HECTD4: variants seen among roughly 807,000 people sequenced by gnomAD.
HECTD4 encodes HECT domain E3 ubiquitin protein ligase 4, also known as probable E3 ubiquitin-protein ligase HECTD4.
Under a neutral mutation model 471.5 loss-of-function variants are expected in HECTD4, and 114 were observed. That is an observed-to-expected ratio of 0.24 (90% CI 0.21 to 0.28). HECTD4 has a LOEUF of 0.28. Among genes scored for constraint, HECTD4 ranks in the 10% least tolerant of loss-of-function variants. The pLI is 1.00. For synonymous variants in HECTD4, 2,012 were observed against 2,256.0 expected (o/e 0.89, Z 3.07); for missense variants, 3,866 against 5,651.5 (o/e 0.68, Z 10.13).
chr12:112,220,194 T>A (rs1156933492), intron 44 of HECTD4, among the ~76,000 whole-genome samples: 1 of 152,108 alleles, frequency 6.6e-6, no homozygotes, highest in Non-Finnish European at 1.5e-5. Flanking sequence ...ATCTAATAAA[T>A]GAAGACTATT....
At chr12:112,215,807 A>G (rs978148004) in intron 48 of HECTD4, among the ~76,000 whole-genome samples, 1 of 151,970 alleles carries the variant, frequency 6.6e-6, no homozygotes, top group Non-Finnish European at 1.5e-5. Context: ...TAATTTTTGT[A>G]TTTTTTGTAG....
At chr12:112,170,520 T>C (rs2031173393) in intron 68 of HECTD4, 68 bp from the exon 69 acceptor site, 1 of 1,564,552 alleles carries the variant, frequency 6.4e-7, no homozygotes, top group Admixed American at 1.8e-5. Context: ...CCCCCAAGAC[T>C]CTCTTCCGGT....
In HECTD4 at chr12:112,313,113, A is replaced by T; in HGVS notation, c.820T>A (p.Ser274Thr). 6.5e-7 allele frequency: 1 copy of T among 1,535,642 alleles called. No individual in the cohort carries two copies. ...LLLEGGPGSP[S>T]CLLGGKHIVS... ...ATGTGTTTGCCCCCAAGCAAACAGG[A>T]GGGAGATCCAGGCCCCCCTTCCAAA... The change falls in exon 4 of 76, where the codon TCC (serine) becomes ACC (threonine). Residue 274 changes from serine to threonine, a missense_variant. Ser to Thr is a moderately conservative substitution (Grantham distance 58). Around this residue, in one of 16 missense-constraint regions of HECTD4, gnomAD observed 440 missense variants for 636.0 expected, o/e 0.69. Transcript: ENST00000682272.
At chr12:112,244,397 C>A (rs1270174336) in intron 29 of HECTD4, among the ~76,000 whole-genome samples, 1 of 152,026 alleles carries the variant, frequency 6.6e-6, no homozygotes, top group African/African-American at 2.4e-5. Context: ...TAAGATGGGT[C>A]TCGCTCTGTC....
intron 7 of HECTD4, among the ~76,000 whole-genome samples, chr12:112,293,101 C>T (rs773236024): frequency 6.6e-6 from 1 of 152,014 alleles, no homozygotes; most frequent in African/African-American, 2.4e-5. Context: ...TGCAGTGGCT[C>T]ACGCCTATAA....
intron 11 of HECTD4, among the ~76,000 whole-genome samples, chr12:112,270,668 C>T (rs1176279706): frequency 6.6e-6 from 1 of 152,170 alleles, no homozygotes; most frequent in Non-Finnish European, 1.5e-5. Flanking sequence ...ACATAAGTAG[C>T]TACCACTTCC....
At chr12:112,255,539 A>T (rs2033989310) in intron 21 of HECTD4, among the ~76,000 whole-genome samples, 1 of 152,280 alleles carries the variant, frequency 6.6e-6, no homozygotes, top group Non-Finnish European at 1.5e-5. Context: ...GAATTTTTTT[A>T]AAAGTCAGCC....
intron 1 of HECTD4, among the ~76,000 whole-genome samples, chr12:112,338,183 G>T (rs546210498): frequency 1.3e-5 from 2 of 152,230 alleles, no homozygotes; most frequent in Admixed American, 1.3e-4. Context: ...CCTGGCTTGT[G>T]GCCACATAAC....
In HECTD4 at chr12:112,163,855, C is replaced by T. The variant is rs533087892; in HGVS notation, c.12702-118G>A. On this transcript the variant is annotated intron_variant, in intron 73 of 75. Coordinates refer to ENST00000682272, the MANE Select transcript of HECTD4 (RefSeq NM_001388303.1). This position sits in a 1 kb window ranked among gnomAD's most constrained non-coding sequence, Gnocchi z 8.2. ...TCTTGGGAGAGGCCTGGGGCCCAGC[C>T]GCCCTGGTCATCCCAGTCCTTTCCT... 1.1e-4 allele frequency: 113 copies of T among 1,003,350 alleles called. No individual in the cohort carries two copies. The highest frequency in any genetic ancestry group is 4.8e-4 in the Admixed American group (14 of 29,104). The allele number at this position is 1,003,350 out of a possible 1,614,324, so 62.2% of individuals were successfully genotyped here.
chr12:112,178,813 C>CA, intron 64 of HECTD4, 118 bp downstream of exon 64: 1 of 1,207,372 alleles, frequency 8.3e-7, no homozygotes, highest in South Asian at 1.6e-5. Context: ...CAAAGCATGA[C>CA]AAAAAAGGCC....
Position 112,162,337 on chromosome 12 carries a change from C to T in HECTD4, c.*50G>A. ...CGGGCCGCAGTGGTGGCTTCCCAAG[C>T]CAGCAGAGTGGGTGCCTCAGTGACA... On this transcript the variant is annotated 3_prime_UTR_variant, in exon 76 of 76. Transcript: ENST00000682272. The surrounding 1 kb of genome is among the most constrained non-coding windows in gnomAD (Gnocchi z 5.2). The T allele has an allele frequency of 6.2e-7, 1 of 1,611,526 alleles. No individual in the cohort carries two copies. Among genetic ancestry groups the T allele is most frequent in the Non-Finnish European group, 8.5e-7 (1 of 1,178,526 alleles).
intron 1 of HECTD4, among the ~76,000 whole-genome samples, chr12:112,367,310 G>GAA (rs1411872394): frequency 1.8e-4 from 1 of 5,624 alleles, no homozygotes; most frequent in Non-Finnish European, 7.1e-4. Context: ...AAAAAAAAAA[G>GAA]AAAGAAAGAA....
At chr12:112,259,517 C>CTTTT (rs34854104) in intron 18 of HECTD4, among the ~76,000 whole-genome samples, 21 of 118,630 alleles carry the variant, frequency 1.8e-4, no homozygotes, top group African/African-American at 3.4e-4. Context: ...TATAAGCTGC[C>CTTTT]TTTTTTTTTT....
chr12:112,290,077 T>G (rs1459630969), intron 7 of HECTD4, among the ~76,000 whole-genome samples: 2 of 152,040 alleles, frequency 1.3e-5, no homozygotes, highest in Non-Finnish European at 2.9e-5. Flanking sequence ...TCCCAGCACT[T>G]TGAGAGGCCG....
rs566224912 is a variant in HECTD4 at position 112,202,348 on chromosome 12, G to C, written c.8406+1288C>G. On this transcript the variant is annotated intron_variant, in intron 54 of 75. Transcript: ENST00000682272. ...GGCCTCCCAAGTAGCTAGGACTACA[G>C]GTTCGTGCCACCATGCCCAGCTAAT... Among the ~76,000 whole-genome samples the C allele has an allele frequency of 2.0e-5, 3 of 152,162 alleles. No individual in the cohort carries two copies. The East Asian group carries it at 5.8e-4, about 29-fold the overall frequency.
intron 1 of HECTD4, among the ~76,000 whole-genome samples, chr12:112,375,914 C>CA (rs755533332): frequency 0.013 from 1,325 of 105,038 alleles, 6 homozygotes; most frequent in Non-Finnish European, 0.016. Context: ...ACTAAAAATA[C>CA]AAAAAAAAAA....
At chr12:112,290,569 C>T (rs528470312) in intron 7 of HECTD4, among the ~76,000 whole-genome samples, 7 of 151,740 alleles carry the variant, frequency 4.6e-5, no homozygotes, top group African/African-American at 7.3e-5. Context: ...GAAATCAGGC[C>T]GGATGTGGTG....
chr12:112,308,989 A>G (rs1014758195), intron 5 of HECTD4, 98 bp from the exon 6 acceptor site: 14 of 1,241,594 alleles, frequency 1.1e-5, no homozygotes, highest in Admixed American at 2.8e-5. Flanking sequence ...ACCTAATTTT[A>G]AAAAATGAGT....
In HECTD4 at chr12:112,381,949, C is replaced by A; in HGVS notation, c.177+3G>T. On this transcript the variant is annotated splice_donor_region_variant and intron_variant, in intron 1 of 75. Transcript: ENST00000682272. This position sits in a 1 kb window ranked among gnomAD's most constrained non-coding sequence, Gnocchi z 4.1. Reference sequence around the variant, plus strand: ...GGCGGGGGCCGGGGGCCGCCTCGCTCACCTCCAGGTCGGTGTCCGCGGCCT... The same window carrying A: ...GGCGGGGGCCGGGGGCCGCCTCGCTAACCTCCAGGTCGGTGTCCGCGGCCT... 8.2e-7 allele frequency: 1 copy of A among 1,223,636 alleles called. No individual in the cohort carries two copies. The highest frequency in any genetic ancestry group is 1.0e-6 in the Non-Finnish European group (1 of 982,700). The allele number at this position is 1,223,636 out of a possible 1,614,324, so 75.8% of individuals were successfully genotyped here.
Sources: gnomAD v4.1 joint callset for allele counts (sites outside exome capture counted in the v4.1 genomes callset) on GRCh38, gnomAD v4.1.1 for gene constraint, gnomAD v4.1.1 regional missense constraint, Gnocchi (gnomAD v3.1) non-coding constraint, MANE v1.5 for transcripts, NCBI Gene and HGNC (gene_info 2026-07-23, HGNC 2026-07-21) for gene names.